The following TCF20 variants were observed in gnomAD, a reference collection of about 807,000 sequenced individuals.
The protein encoded by TCF20 is SPRE-binding protein.
In TCF20, 3 loss-of-function variants were observed where a neutral mutation model predicts 148.6. The ratio of observed to expected loss-of-function variants is 0.02; its 90% CI spans 0.01 to 0.05. The LOEUF is 0.05. Ranked by LOEUF, TCF20 falls within the 10% of genes least tolerant of loss-of-function variation. The pLI, the probability that TCF20 is intolerant of heterozygous loss-of-function variation, is 1.00. For synonymous variants in TCF20, 1,049 were observed against 909.5 expected, an observed-to-expected ratio of 1.15 and a Z score of -2.76; for missense variants, 2,350 against 2,429.3, an observed-to-expected ratio of 0.97 and a Z score of 0.69.
At position 42,212,338 on chromosome 22, in the gene TCF20, G is replaced by A. The variant is rs1393850983; in HGVS notation, c.2968C>T (p.Arg990Trp). The change falls in exon 2 of 6, where the codon CGG (arginine) becomes TGG (tryptophan). Residue 990 changes from arginine to tryptophan, a missense_variant. By Grantham distance (101) the Arg-to-Trp change is moderately radical. Around this residue, in one of 7 missense-constraint regions of TCF20, gnomAD observed 1,641 missense variants for 1,662.6 expected, o/e 0.99. Transcript: ENST00000677622. The part of the protein sequence containing the change: ...PQDSRPTPMR[R>W]VPGRVGGREG... ...CGACCACCAACTCTGCCAGGGACCC[G>A]CCGCATTGGCGTGGGTCTGCTGTCT... The A allele has an allele frequency of 4.3e-6, 7 of 1,614,064 alleles. No individual in the cohort carries two copies. Among genetic ancestry groups the A allele is most frequent in the South Asian group, 2.2e-5 (2 of 91,086 alleles).
intron 1 of TCF20, among the ~76,000 whole-genome samples, chr22:42,253,528 T>G (rs1480968168): frequency 6.6e-6 from 1 of 152,194 alleles, no homozygotes; most frequent in African/African-American, 2.4e-5. Context: ...AGTAATATTT[T>G]CAAGATTTAC....
chr22:42,202,945 T>A (rs5758645), intron 2 of TCF20, among the ~76,000 whole-genome samples: 1 of 151,996 alleles, frequency 6.6e-6, no homozygotes, highest in Non-Finnish European at 1.5e-5. Context: ...ACATTTCAAC[T>A]GGTTTTCCAG....
intron 1 of TCF20, among the ~76,000 whole-genome samples, chr22:42,246,649 G>A (rs764323360): frequency 6.6e-6 from 1 of 152,194 alleles, no homozygotes; most frequent in Non-Finnish European, 1.5e-5. Flanking sequence ...GGAGGACTGG[G>A]GAAGGAGGGC....
upstream of TCF20, chr22:42,274,780 A>G (rs1485326743): frequency 6.6e-6 from 1 of 152,280 alleles, no homozygotes; most frequent in Non-Finnish European, 1.5e-5. Flanking sequence ...TGCAGGGCAG[A>G]GACACCTCTG....
In TCF20 at chr22:42,180,292, T is replaced by C. The variant is rs541004663; in HGVS notation, c.5656-590A>G. On this transcript the variant is annotated intron_variant, in intron 2 of 5. Transcript: ENST00000677622. ...CTCCTGTGTGCAAATGGTATTTTTA[T>C]ACATGAATCTTATTTTAAATGCACC... 5.3e-5 allele frequency among the ~76,000 whole-genome samples: 8 copies of C among 152,316 alleles called. No homozygotes were observed. In the East Asian group the frequency reaches 1.2e-3, roughly 22 times the overall value.
chr22:42,186,764 C>G (rs1937066711), intron 2 of TCF20, among the ~76,000 whole-genome samples: 1 of 152,210 alleles, frequency 6.6e-6, no homozygotes, highest in African/African-American at 2.4e-5. Context: ...CTCAATTCTC[C>G]TATCTGGGAC....
chr22:42,219,900 T>C (rs2147242634), intron 1 of TCF20, among the ~76,000 whole-genome samples: 1 of 152,216 alleles, frequency 6.6e-6, no homozygotes, highest in East Asian at 1.9e-4. Context: ...TTCCCATCCA[T>C]AATGACTCTC....
intron 2 of TCF20, among the ~76,000 whole-genome samples, chr22:42,195,033 A>G (rs1440969519): frequency 6.6e-6 from 1 of 151,254 alleles, no homozygotes; most frequent in East Asian, 2.0e-4. Context: ...TGAAATGGTC[A>G]TTGTGCATTT....
At chr22:42,161,713 T>C (rs942947640) in intron 5 of TCF20, among the ~76,000 whole-genome samples, 1 of 152,238 alleles carries the variant, frequency 6.6e-6, no homozygotes, top group African/African-American at 2.4e-5. Context: ...GTTTTGCCAG[T>C]GTCAGGACCC....
At chr22:42,249,085 A>G (rs5758681) in intron 1 of TCF20, among the ~76,000 whole-genome samples, 30,088 of 152,166 alleles carry the variant, frequency 0.2, 3,160 homozygotes, top group East Asian at 0.34. Context: ...TGAGAGCTAG[A>G]ACAGACTTTT....
At chr22:42,306,403 G>A (rs948035295) in intron 1 of TCF20, among the ~76,000 whole-genome samples, 2 of 152,210 alleles carry the variant, frequency 1.3e-5, no homozygotes, top group African/African-American at 4.8e-5. Context: ...TGGGTGGGGG[G>A]TGCTGCTAGG....
chr22:42,333,208 C>G (rs1016504812), intron 1 of TCF20, among the ~76,000 whole-genome samples: 14 of 151,990 alleles, frequency 9.2e-5, no homozygotes, highest in Non-Finnish European at 1.3e-4. Flanking sequence ...GTGGCAGGAG[C>G]TGCCTCGCTG....
intron 2 of TCF20, among the ~76,000 whole-genome samples, chr22:42,209,268 T>C (rs1920922721): frequency 6.6e-6 from 1 of 152,022 alleles, no homozygotes; most frequent in Admixed American, 6.6e-5. Context: ...GAGGAAGAAA[T>C]GGGATTCAGG....
chr22:42,263,221 G>A (rs377372610), intron 1 of TCF20, among the ~76,000 whole-genome samples: 4 of 152,174 alleles, frequency 2.6e-5, no homozygotes, highest in East Asian at 3.8e-4. Flanking sequence ...CTTCCATCAC[G>A]TGGACTTTCT....
At chr22:42,242,224 A>AAAAAAAAAAAAAAC (rs1555942548) in intron 1 of TCF20, among the ~76,000 whole-genome samples, 3 of 147,580 alleles carry the variant, frequency 2.0e-5, no homozygotes, top group African/African-American at 7.9e-5. Flanking sequence ...AAAAAAAAAA[A>AAAAAAAAAAAAAAC]AAACAGAAAA....
chr22:42,238,974 C>T (rs191265815), intron 1 of TCF20, among the ~76,000 whole-genome samples: 26,754 of 151,398 alleles, frequency 0.18, 2,597 homozygotes, highest in East Asian at 0.35. Flanking sequence ...AAAAATTAGC[C>T]AGGTGTGATG....
intron 1 of TCF20, among the ~76,000 whole-genome samples, chr22:42,340,922 T>A (rs1336496960): frequency 8.6e-6 from 1 of 116,832 alleles, no homozygotes; most frequent in African/African-American, 3.1e-5. Context: ...GCCGGCTCCT[T>A]TCTGGTCAGG....
chr22:42,181,420 G>C (rs1411009196), intron 2 of TCF20, among the ~76,000 whole-genome samples: 1 of 151,566 alleles, frequency 6.6e-6, no homozygotes, highest in Non-Finnish European at 1.5e-5. Flanking sequence ...TGACCTCATC[G>C]CATCTGGCCT....
At chr22:42,208,654 T>G (rs1938554285) in intron 2 of TCF20, among the ~76,000 whole-genome samples, 1 of 151,714 alleles carries the variant, frequency 6.6e-6, no homozygotes, top group Admixed American at 6.6e-5. Flanking sequence ...ATGATAAAGC[T>G]GAAGAAAGCA....
Sources: gnomAD v4.1 joint callset for allele counts (sites outside exome capture counted in the v4.1 genomes callset) on GRCh38, gnomAD v4.1.1 for gene constraint, gnomAD v4.1.1 regional missense constraint, MANE v1.5 for transcripts, NCBI Gene and HGNC (gene_info 2026-07-23, HGNC 2026-07-21) for gene names.